The following UPF2 variants were observed in gnomAD, a reference collection of about 807,000 sequenced individuals.
UPF2 encodes the protein regulator of nonsense transcripts 2.
UPF2 carries 17 observed loss-of-function variants against 141.4 expected under a neutral mutation model. The observed-to-expected ratio is 0.12, with a 90% CI of 0.08 to 0.18. UPF2 has a LOEUF of 0.18. UPF2 is among the 10% of genes least tolerant of loss of function. The pLI, the probability that UPF2 is intolerant of heterozygous loss-of-function variation, is 1.00. For synonymous variants in UPF2, 540 were observed against 498.0 expected (o/e 1.08, Z -1.12); for missense variants, 1,152 against 1,515.9 (o/e 0.76, Z 3.99).
intron 8 of UPF2, among the ~76,000 whole-genome samples, chr10:11,994,513 A>G (rs1283988834): frequency 6.6e-6 from 1 of 152,246 alleles, no homozygotes; most frequent in African/African-American, 2.4e-5. Context: ...AAGGATAAGA[A>G]GGATACTTTT....
rs750732689 is a variant in UPF2 at position 11,955,469 on chromosome 10, A to G, written c.2613T>C (p.Ser871=). The change falls in exon 14 of 22, where the codon AGT becomes AGC. Residue 871 remains serine (S), a synonymous_variant. Transcript: ENST00000357604. The stretch of plus-strand genomic sequence containing the variant: ...TGTAAAGTTCTCCTAAGAACTTGGC[A>G]CTGCTGATGCGCCTCTGATTAAATT... ...QPKFNQRRIS[S]AKFLGELYNY... 5 of 1,613,668 alleles carry G rather than the reference A, an allele frequency of 3.1e-6. No individual in the cohort carries two copies. The highest frequency in any genetic ancestry group is 1.7e-5 in the Admixed American group (1 of 59,908).
At position 11,992,720 on chromosome 10, in the gene UPF2, G is replaced by C. The variant is rs1260737877; in HGVS notation, c.1844+4952C>G. Among the ~76,000 whole-genome samples the C allele has an allele frequency of 6.6e-6, 1 of 152,152 alleles. No homozygotes were observed. The highest frequency in any genetic ancestry group is 1.5e-5 in the Non-Finnish European group (1 of 68,042). Reference sequence around the variant, plus strand: ...TAAAAGAAACATACTTTCAGAATATGTCTGAGAGTAAAATTCAATTCAATT... The same window carrying C: ...TAAAAGAAACATACTTTCAGAATATCTCTGAGAGTAAAATTCAATTCAATT... On this transcript the variant is annotated intron_variant, in intron 8 of 21. Coordinates refer to ENST00000357604, the MANE Select transcript of UPF2 (RefSeq NM_015542.4). The surrounding 1 kb of genome is among the most constrained non-coding windows in gnomAD (Gnocchi z 4.1).
chr10:11,990,294 C>T (rs1475507742), intron 8 of UPF2, among the ~76,000 whole-genome samples: 1 of 152,168 alleles, frequency 6.6e-6, no homozygotes, highest in East Asian at 1.9e-4. Context: ...ATATTCCTGA[C>T]ATACAACAAA....
At chr10:11,983,810 T>C (rs1436778665) in intron 8 of UPF2, among the ~76,000 whole-genome samples, 1 of 152,238 alleles carries the variant, frequency 6.6e-6, no homozygotes, top group Non-Finnish European at 1.5e-5. Context: ...ATTTTTAATA[T>C]ATGAAATAAC....
chr10:11,947,112 G>T (rs1833010626), intron 16 of UPF2, among the ~76,000 whole-genome samples: 1 of 152,182 alleles, frequency 6.6e-6, no homozygotes, highest in African/African-American at 2.4e-5. Context: ...TGAGGCACAA[G>T]AATCACTTGA....
chr10:11,946,537 C>T (rs1336763570), intron 16 of UPF2, among the ~76,000 whole-genome samples: 1 of 152,132 alleles, frequency 6.6e-6, no homozygotes, highest in African/African-American at 2.4e-5. Flanking sequence ...CAAATTTAAA[C>T]TTCTTTCAAT....
At position 11,952,110 on chromosome 10, in the gene UPF2, A is replaced by C. The variant is rs772088954; in HGVS notation, c.2990T>G (p.Ile997Ser). ...TCGTTCCAAGTCTTGTACCTGCCTG[A>C]TGGATTCTTCCAGAGAATTACAGAG... ...IKLCNSLEES[I>S]RQVQDLEREF... The change falls in exon 15 of 22, where the codon ATC becomes AGC. Residue 997 changes from isoleucine to serine, a missense_variant. By Grantham distance (142) the Ile-to-Ser change is moderately radical. Around this residue, in one of 4 missense-constraint regions of UPF2, gnomAD observed 202 missense variants for 223.6 expected, o/e 0.90. Coordinates refer to ENST00000357604, the MANE Select transcript of UPF2 (RefSeq NM_015542.4). 1.9e-6 allele frequency: 3 copies of C among 1,613,962 alleles called. No individual in the cohort carries two copies. The highest frequency in any genetic ancestry group is 3.3e-5 in the Admixed American group (2 of 60,002).
intron 5 of UPF2, among the ~76,000 whole-genome samples, chr10:12,003,815 C>T (rs1043672320): frequency 2.9e-5 from 4 of 140,320 alleles, no homozygotes; most frequent in African/African-American, 1.1e-4. Context: ...ATCCCAGTTA[C>T]TTGGGAGGCT....
chr10:12,012,273 A>C (rs1396427666), intron 4 of UPF2, among the ~76,000 whole-genome samples: 1 of 151,838 alleles, frequency 6.6e-6, no homozygotes, highest in Admixed American at 6.6e-5. Flanking sequence ...ATGTTGCGCC[A>C]AGCTGTTCTC....
At chr10:12,009,395 T>C (rs1041262889) in intron 4 of UPF2, among the ~76,000 whole-genome samples, 8 of 152,038 alleles carry the variant, frequency 5.3e-5, no homozygotes, top group Non-Finnish European at 1.2e-4. Context: ...TGTATTAAAA[T>C]GAAAAAAATC....
intron 21 of UPF2, among the ~76,000 whole-genome samples, 159 bp downstream of exon 21, chr10:11,929,706 C>T (rs1832759413): frequency 6.6e-6 from 1 of 152,146 alleles, no homozygotes; most frequent in African/African-American, 2.4e-5. Flanking sequence ...GGTTTTTCCC[C>T]CTCAAATATC....
chr10:12,001,486 G>C (rs374875047), intron 6 of UPF2, among the ~76,000 whole-genome samples, 190 bp downstream of exon 6: 171 of 152,200 alleles, frequency 1.1e-3, no homozygotes, highest in African/African-American at 3.9e-3. Context: ...ATTAAAGTTT[G>C]TAGACACACA....
At position 11,992,832 on chromosome 10, in the gene UPF2, C is replaced by T. The variant is rs1262077952; in HGVS notation, c.1844+4840G>A. Among the ~76,000 whole-genome samples the T allele has an allele frequency of 2.6e-5, 4 of 152,122 alleles. No homozygotes were observed. Among genetic ancestry groups the T allele is most frequent in the South Asian group, 4.1e-4 (2 of 4,826 alleles). ...GCACAGGTATACCAAATAAAAGGCA[C>T]ATGTATACCAAACGCAAATAAAAAG... On this transcript the variant is annotated intron_variant, in intron 8 of 21. Transcript: ENST00000357604. The surrounding 1 kb of genome is among the most constrained non-coding windows in gnomAD (Gnocchi z 4.1).
At chr10:12,028,698 T>G in intron 3 of UPF2, 47 bp downstream of exon 3, 1 of 1,523,164 alleles carries the variant, frequency 6.6e-7, no homozygotes, top group Non-Finnish European at 8.8e-7. Context: ...TTTTTAAGTA[T>G]GAGCTCCAAA....
intron 2 of UPF2, 71 bp from the exon 3 acceptor site, chr10:12,029,595 G>A (rs1834479888): frequency 6.9e-7 from 1 of 1,451,308 alleles, no homozygotes; most frequent in Non-Finnish European, 9.2e-7. Context: ...TCCCCTAAGA[G>A]TAAAAAGCCA....
chr10:11,973,323 A>T (rs997389985), intron 9 of UPF2, among the ~76,000 whole-genome samples: 5 of 152,056 alleles, frequency 3.3e-5, no homozygotes, highest in African/African-American at 1.2e-4. Context: ...ATTTTCTCCC[A>T]TTCTGTAGGT....
chr10:11,992,465 G>T lies in UPF2; in HGVS notation c.1844+5207C>A, dbSNP rs1440920231. 6.6e-6 allele frequency among the ~76,000 whole-genome samples: 1 copy of T among 152,100 alleles called. No individual in the cohort carries two copies. The highest frequency in any genetic ancestry group is 1.5e-5 in the Non-Finnish European group (1 of 68,010). ...CAAACTAATCTTACCACTGCTCATG[G>T]TAGAAAACAACAGAGACTGTCTAAA... On this transcript the variant is annotated intron_variant, in intron 8 of 21. Coordinates refer to ENST00000357604, the MANE Select transcript of UPF2 (RefSeq NM_015542.4). The surrounding 1 kb of genome is among the most constrained non-coding windows in gnomAD (Gnocchi z 4.1).
At chr10:12,026,113 A>G (rs937207566) in intron 3 of UPF2, among the ~76,000 whole-genome samples, 1 of 152,152 alleles carries the variant, frequency 6.6e-6, no homozygotes, top group African/African-American at 2.4e-5. Flanking sequence ...AATAATACAC[A>G]TGTAATCAAT....
intron 18 of UPF2, among the ~76,000 whole-genome samples, chr10:11,938,868 T>TTGTTTTGTTTTTTG (rs1832896411): frequency 9.9e-5 from 9 of 90,852 alleles, no homozygotes; most frequent in Non-Finnish European, 2.1e-4. Flanking sequence ...TTTTTTTTTT[T>TTGTTTTGTTTTTTG]TTTTTTTTTT....
Sources: gnomAD v4.1 joint callset for allele counts (sites outside exome capture counted in the v4.1 genomes callset) on GRCh38, gnomAD v4.1.1 for gene constraint, gnomAD v4.1.1 regional missense constraint, Gnocchi (gnomAD v3.1) non-coding constraint, MANE v1.5 for transcripts, NCBI Gene and HGNC (gene_info 2026-07-23, HGNC 2026-07-21) for gene names.